Variants in CCDC158 observed in about 807,000 individuals in gnomAD.
CCDC158 encodes coiled-coil domain containing 158.
Under a neutral mutation model 138.6 loss-of-function variants are expected in CCDC158, and 116 were observed. The observed-to-expected ratio is 0.84, with a 90% confidence interval of 0.72 to 0.98. The LOEUF is 0.98. CCDC158 is among the 50% of genes least tolerant of loss of function. CCDC158 has a pLI of 0.00. For synonymous variants in CCDC158, 436 were observed against 442.4 expected (o/e 0.99, Z 0.18); for missense variants, 1,265 against 1,306.1 (o/e 0.97, Z 0.48).
At chr4:76,340,333 C>A (rs2110131019) in intron 18 of CCDC158, among the ~76,000 whole-genome samples, 1 of 152,342 alleles carries the variant, frequency 6.6e-6, no homozygotes, top group African/African-American at 2.4e-5. Context: ...TTCCCAACCA[C>A]AAAAGGCCCC....
Position 76,334,168 on chromosome 4 carries a change from C to T in CCDC158, c.2665-1G>A. 1 of 1,567,816 alleles carries T rather than the reference C, an allele frequency of 6.4e-7. No individual in the cohort carries two copies. The highest frequency in any genetic ancestry group is 1.2e-5 in the South Asian group (1 of 85,190). On this transcript the variant is annotated splice_acceptor_variant, in intron 18 of 24. Coordinates refer to ENST00000682701, the MANE Select transcript of CCDC158 (RefSeq NM_001394954.1). LOFTEE classifies it high-confidence loss of function. ...TCAGTGTGTTAGCTTTTGTAGAGTG[C>T]TGAGTTAAAACAATTTACAAAGACA...
At chr4:76,385,877 T>C (rs1726735323) in intron 4 of CCDC158, among the ~76,000 whole-genome samples, 1 of 151,948 alleles carries the variant, frequency 6.6e-6, no homozygotes, top group South Asian at 2.1e-4. Flanking sequence ...TTCAAGTAAG[T>C]AAAAAATAAA....
At chr4:76,322,337 A>G (rs1450427198) in intron 24 of CCDC158, among the ~76,000 whole-genome samples, 3 of 152,184 alleles carry the variant, frequency 2.0e-5, no homozygotes, top group African/African-American at 7.2e-5. Flanking sequence ...CAAGTCCCCG[A>G]TCTACTCTTC....
At chr4:76,345,081 C>A (rs901142019) in intron 18 of CCDC158, 1 of 1,327,282 alleles carries the variant, frequency 7.5e-7, no homozygotes, top group Non-Finnish European at 1.1e-6. Flanking sequence ...ATGACCAGAT[C>A]TCATAAAAAT....
chr4:76,410,572 T>G (rs914065737), intron 2 of CCDC158, among the ~76,000 whole-genome samples: 1 of 152,168 alleles, frequency 6.6e-6, no homozygotes, highest in Non-Finnish European at 1.5e-5. Flanking sequence ...AGCTCCTAGG[T>G]TGATGAACCA....
chr4:76,332,558 T>A, intron 19 of CCDC158, 67 bp from the exon 20 acceptor site: 1 of 1,228,926 alleles, frequency 8.1e-7, no homozygotes, highest in Non-Finnish European at 1.2e-6. Flanking sequence ...TTTTTTAGAC[T>A]AATCAATTGC....
At chr4:76,326,416 G>C (rs1359249926) in intron 22 of CCDC158, among the ~76,000 whole-genome samples, 6 of 152,092 alleles carry the variant, frequency 3.9e-5, no homozygotes, top group Non-Finnish European at 8.8e-5. Flanking sequence ...AAGGAGACAA[G>C]ATGATATGGC....
At chr4:76,344,165 A>G (rs1183289797) in intron 18 of CCDC158, among the ~76,000 whole-genome samples, 1 of 152,204 alleles carries the variant, frequency 6.6e-6, no homozygotes, top group East Asian at 1.9e-4. Flanking sequence ...GTCTCAGGAT[A>G]CAAAATCAAT....
At chr4:76,367,233 C>G in intron 12 of CCDC158, 61 bp downstream of exon 12, 1 of 1,539,370 alleles carries the variant, frequency 6.5e-7, no homozygotes, top group Non-Finnish European at 8.7e-7. Flanking sequence ...CTTTTCAGTA[C>G]AGGTCATACC....
Position 76,367,717 on chromosome 4 carries a change from C to T in CCDC158, c.1407G>A (p.Gln469=). The T allele has an allele frequency of 2.5e-6, 4 of 1,613,914 alleles. No individual in the cohort carries two copies. Among genetic ancestry groups the T allele is most frequent in the Non-Finnish European group, 3.4e-6 (4 of 1,179,992 alleles). Residue 469 remains glutamine (Q), a synonymous_variant, in exon 12 of 25, where the codon CAG becomes CAA. Coordinates refer to ENST00000682701, the MANE Select transcript of CCDC158 (RefSeq NM_001394954.1). ...SLEKVSSLTA[Q]LESTKEMLRK... ...GCAGCATCTCTTTGGTGGATTCAAGCTGAGCAGTCAAGGAGGATACTTTTT... is the reference window on the plus strand; with the variant it reads ...GCAGCATCTCTTTGGTGGATTCAAGTTGAGCAGTCAAGGAGGATACTTTTT...
intron 3 of CCDC158, chr4:76,401,694 G>A: frequency 6.3e-6 from 1 of 158,208 alleles, no homozygotes; most frequent in Non-Finnish European, 1.4e-5. Flanking sequence ...TAAGGGAGTG[G>A]GTAACTAGAG....
At chr4:76,420,627 T>TC (rs1730040792) in intron 1 of CCDC158, among the ~76,000 whole-genome samples, 1 of 152,148 alleles carries the variant, frequency 6.6e-6, no homozygotes, top group South Asian at 2.1e-4. Context: ...CCCCATCTCC[T>TC]CCCCCTGTTC....
At chr4:76,420,067 A>G (rs927480927) in intron 1 of CCDC158, among the ~76,000 whole-genome samples, 1 of 151,700 alleles carries the variant, frequency 6.6e-6, no homozygotes, top group Admixed American at 6.6e-5. Flanking sequence ...TGGCATGGAA[A>G]CCATTTCACC....
intron 21 of CCDC158, among the ~76,000 whole-genome samples, chr4:76,329,513 G>A (rs1720831875): frequency 6.6e-6 from 1 of 152,166 alleles, no homozygotes; most frequent in South Asian, 2.1e-4. Flanking sequence ...GAACCTAGGA[G>A]GCAGAGCTTG....
rs1414910075 is a variant in CCDC158 at position 76,384,545 on chromosome 4, C to T, written c.398+11G>A. The T allele has an allele frequency of 6.3e-7, 1 of 1,595,652 alleles. No individual in the cohort carries two copies. The highest frequency in any genetic ancestry group is 2.2e-5 in the East Asian group (1 of 44,780). On this transcript the variant is annotated intron_variant, in intron 5 of 24. Coordinates refer to ENST00000682701, the MANE Select transcript of CCDC158 (RefSeq NM_001394954.1). ...AATATGTGACTTTAAAATAATTTCA[C>T]AAATCCCAACCTGATGTCAGCCATA...
chr4:76,388,635 C>T (rs183045259), intron 4 of CCDC158, among the ~76,000 whole-genome samples: 11 of 152,226 alleles, frequency 7.2e-5, no homozygotes, highest in South Asian at 4.2e-4. Context: ...ACAGCATGTC[C>T]AGACATGCAC....
intron 24 of CCDC158, among the ~76,000 whole-genome samples, chr4:76,319,450 AAAAAAAAAAAAAAAAATATATATATATAT>A (rs1333117684): frequency 5.3e-5 from 2 of 37,790 alleles, no homozygotes; most frequent in Non-Finnish European, 9.6e-5. Context: ...AAAAAAAAAA[AAAAAAAAAAAAAAAAATATATATATATAT>A]ATATATATAT....
chr4:76,408,814 G>T (rs1005180553), intron 2 of CCDC158, among the ~76,000 whole-genome samples: 1 of 152,190 alleles, frequency 6.6e-6, no homozygotes, highest in Non-Finnish European at 1.5e-5. Context: ...CAGTGTAAAA[G>T]TGTTCCTATT....
At chr4:76,395,072 C>T (rs985462448) in intron 4 of CCDC158, among the ~76,000 whole-genome samples, 1 of 152,146 alleles carries the variant, frequency 6.6e-6, no homozygotes, top group African/African-American at 2.4e-5. Flanking sequence ...ACTGATTTAA[C>T]ACTTATTTAT....
Sources: allele counts gnomAD v4.1 joint callset (sites outside exome capture counted in the v4.1 genomes callset), GRCh38; gene constraint gnomAD v4.1.1; transcripts MANE v1.5; gene names NCBI Gene and HGNC (gene_info 2026-07-23, HGNC 2026-07-21).